The following BCL7C variants were observed in gnomAD, a reference collection of about 807,000 sequenced individuals.
The protein encoded by BCL7C is B-cell CLL/lymphoma 7 protein family member C.
In BCL7C, 8 loss-of-function variants were observed where a neutral mutation model predicts 26.2. That is an observed-to-expected ratio of 0.30 (90% CI 0.18 to 0.55). The LOEUF (loss-of-function observed/expected upper bound fraction) is 0.55. BCL7C is among the 20% of genes least tolerant of loss of function. The pLI is 0.93. For missense variants in BCL7C, 262 were observed against 298.5 expected (o/e 0.88, Z 0.90); for synonymous variants, 90 against 116.5 (o/e 0.77, Z 1.47).
At chr16:30,879,689 C>CAAAAAAAAAAAACAAAAAAAAAAAAA (rs2055008534) in intron 5 of BCL7C, among the ~76,000 whole-genome samples, 1 of 29,402 alleles carries the variant, frequency 3.4e-5, no homozygotes, top group South Asian at 3.6e-3. Flanking sequence ...CCCTTCTCTA[C>CAAAAAAAAAAAACAAAAAAAAAAAAA]AAAAAAAAAA....
intron 5 of BCL7C, among the ~76,000 whole-genome samples, chr16:30,880,560 A>G (rs1169886862): frequency 7.3e-6 from 1 of 137,084 alleles, no homozygotes; most frequent in Non-Finnish European, 1.6e-5. Context: ...AAAAAAAAAA[A>G]GTCAGAACAG....
chr16:30,837,036 C>T, intron 5 of BCL7C, among the ~76,000 whole-genome samples: 1 of 151,972 alleles, frequency 6.6e-6, no homozygotes, highest in East Asian at 1.9e-4. Context: ...CCTCGTGATC[C>T]ACCTGCCTCA....
At chr16:30,869,619 C>T (rs186388544) in intron 5 of BCL7C, among the ~76,000 whole-genome samples, 7 of 151,948 alleles carry the variant, frequency 4.6e-5, no homozygotes, top group Admixed American at 3.9e-4. Context: ...TCAAGGCATC[C>T]TCCTGCCTTC....
At chr16:30,835,181 T>C in intron 5 of BCL7C, 1 of 1,436,286 alleles carries the variant, frequency 7.0e-7, no homozygotes, top group Non-Finnish European at 9.2e-7. Flanking sequence ...TGGGTAGTGT[T>C]TCCTCTTCTC....
At chr16:30,854,240 G>A (rs1179976789) in intron 5 of BCL7C, among the ~76,000 whole-genome samples, 1 of 152,196 alleles carries the variant, frequency 6.6e-6, no homozygotes, top group East Asian at 1.9e-4. Flanking sequence ...GGATGTATGG[G>A]AGCCTTATCA....
chr16:30,893,001 T>C lies in BCL7C; in HGVS notation c.172-53A>G, dbSNP rs1013425960. 18 of 1,526,544 alleles carry C rather than the reference T, an allele frequency of 1.2e-5. No individual in the cohort carries two copies. The African/African-American group carries it at 2.5e-4, about 21-fold the overall frequency. The allele number at this position is 1,526,544 out of a possible 1,614,324, so 94.6% of individuals were successfully genotyped here. A position where few individuals can be genotyped will look rare whatever the true frequency, so the allele number is the denominator to read the frequency against. On this transcript the variant is annotated intron_variant, in intron 2 of 5. Coordinates refer to ENST00000215115, the MANE Select transcript of BCL7C (RefSeq NM_004765.4). The surrounding 1 kb of genome is among the most constrained non-coding windows in gnomAD (Gnocchi z 5.2). Reference sequence around the variant, plus strand: ...CTCTTGGAAAGCCCCACCATACACCTAAGGAAACTGAGGCACTGAGAAGCA... The same window carrying C: ...CTCTTGGAAAGCCCCACCATACACCCAAGGAAACTGAGGCACTGAGAAGCA...
At chr16:30,872,472 G>A (rs1402503548) in intron 5 of BCL7C, among the ~76,000 whole-genome samples, 3 of 152,184 alleles carry the variant, frequency 2.0e-5, no homozygotes, top group Non-Finnish European at 4.4e-5. Context: ...CAGCACGCAC[G>A]TTCACACACA....
chr16:30,850,890 T>C (rs2054669488), intron 5 of BCL7C, among the ~76,000 whole-genome samples: 1 of 152,200 alleles, frequency 6.6e-6, no homozygotes, highest in African/African-American at 2.4e-5. Context: ...AAAAAGATTT[T>C]TTCTGCAGTA....
Position 30,893,966 on chromosome 16 carries a change from G to C in BCL7C, c.-22C>G. ...CCATGCTGGCGGGGCTGGGGCCGGG[G>C]CCGAGCCCGCGGCGGGGCCGCCTCC... On this transcript the variant is annotated 5_prime_UTR_variant, in exon 1 of 6. Coordinates refer to ENST00000215115, the MANE Select transcript of BCL7C (RefSeq NM_004765.4). This position sits in a 1 kb window ranked among gnomAD's most constrained non-coding sequence, Gnocchi z 5.2. 7.6e-7 allele frequency: 1 copy of C among 1,316,392 alleles called. No homozygotes were observed. Among genetic ancestry groups the C allele is most frequent in the Non-Finnish European group, 9.7e-7 (1 of 1,026,714 alleles). The allele number at this position is 1,316,392 out of a possible 1,614,324, so 81.5% of individuals were successfully genotyped here. A position where few individuals can be genotyped will look rare whatever the true frequency, so the allele number is the denominator to read the frequency against.
rs771270258 is a variant in BCL7C, at chr16:30,835,007, C to T, written c.670G>A (p.Gly224Arg). Reference sequence around the variant, plus strand: ...GCCCTCGGGGCCTTGCTGCCTCCCCCGGGAGCTCTGGTGTCCGGCACCGCC... The same window carrying T: ...GCCCTCGGGGCCTTGCTGCCTCCCCTGGGAGCTCTGGTGTCCGGCACCGCC... Residue 224 changes from glycine to arginine, a missense_variant, in exon 6 of 6, where the codon GGG becomes AGG. Transcript: ENST00000380317. The T allele has an allele frequency of 1.4e-5, 22 of 1,548,696 alleles. 1 individual carries two copies. The highest frequency in any genetic ancestry group is 1.2e-5 in the South Asian group (1 of 83,898).
chr16:30,859,296 G>C (rs1456767855), intron 5 of BCL7C, among the ~76,000 whole-genome samples: 1 of 152,220 alleles, frequency 6.6e-6, no homozygotes, highest in Non-Finnish European at 1.5e-5. Context: ...AGTGTTTAGA[G>C]ACTGTTTTGC....
intron 5 of BCL7C, among the ~76,000 whole-genome samples, chr16:30,843,287 G>A (rs576429230): frequency 2.7e-4 from 41 of 152,324 alleles, no homozygotes; most frequent in African/African-American, 9.6e-4. Flanking sequence ...TGGGCTGGGT[G>A]CCGTGACTCA....
At chr16:30,841,896 A>T (rs2054604572) in intron 5 of BCL7C, among the ~76,000 whole-genome samples, 1 of 141,598 alleles carries the variant, frequency 7.1e-6, no homozygotes, top group East Asian at 2.2e-4. Flanking sequence ...CGGAGCTTGC[A>T]GTGAGCCGAG....
intron 5 of BCL7C, among the ~76,000 whole-genome samples, chr16:30,873,261 G>T (rs969892897): frequency 7.9e-5 from 12 of 152,054 alleles, no homozygotes; most frequent in Non-Finnish European, 1.3e-4. Flanking sequence ...CAACAAAAAG[G>T]TTATCTCAGT....
chr16:30,880,707 T>C (rs963832994), intron 5 of BCL7C, among the ~76,000 whole-genome samples: 1 of 152,096 alleles, frequency 6.6e-6, no homozygotes, highest in Admixed American at 6.6e-5. Flanking sequence ...ATTTTTATTT[T>C]TATTTTTTTT....
chr16:30,887,767 C>A, downstream of BCL7C: 1 of 1,487,926 alleles, frequency 6.7e-7, no homozygotes. Flanking sequence ...CCTCCCCAGC[C>A]CTGACGGGGA....
At chr16:30,877,118 T>TGCGGGGACTGAAGG (rs2054961478) in intron 5 of BCL7C, among the ~76,000 whole-genome samples, 1 of 152,060 alleles carries the variant, frequency 6.6e-6, no homozygotes, top group Admixed American at 6.5e-5. Flanking sequence ...CGGTAGGGAT[T>TGCGGGGACTGAAGG]GCGGGGACTG....
At chr16:30,870,851 T>C (rs991227672) in intron 5 of BCL7C, among the ~76,000 whole-genome samples, 1 of 152,166 alleles carries the variant, frequency 6.6e-6, no homozygotes, top group Admixed American at 6.5e-5. Flanking sequence ...GACTCAGGGA[T>C]GGGCACCTGG....
intron 5 of BCL7C, among the ~76,000 whole-genome samples, chr16:30,880,025 G>C (rs964886037): frequency 6.6e-6 from 1 of 151,644 alleles, no homozygotes; most frequent in African/African-American, 2.4e-5. Flanking sequence ...GGGCGCAGTA[G>C]CACATGCCTG....
Sources: gnomAD v4.1 joint callset for allele counts (sites outside exome capture counted in the v4.1 genomes callset) on GRCh38, gnomAD v4.1.1 for gene constraint, Gnocchi (gnomAD v3.1) non-coding constraint, MANE v1.5 for transcripts, NCBI Gene and HGNC (gene_info 2026-07-23, HGNC 2026-07-21) for gene names.